IMMP2L: variants seen among roughly 807,000 people sequenced by gnomAD.
IMMP2L encodes inner mitochondrial membrane peptidase subunit 2, also known as mitochondrial inner membrane protease subunit 2.
A neutral mutation model predicts 19.3 loss-of-function variants in IMMP2L; 18 were observed. The ratio of observed to expected loss-of-function variants is 0.93; its 90% CI spans 0.64 to 1.38. The LOEUF (loss-of-function observed/expected upper bound fraction) is 1.38. IMMP2L is among the 40% of genes most tolerant of loss of function. The pLI is 0.00. For missense variants in IMMP2L, 233 were observed against 218.2 expected (o/e 1.07, Z -0.43); for synonymous variants, 76 against 73.0 (o/e 1.04, Z -0.21).
At chr7:110,864,669 A>T (rs1807804941) in intron 5 of IMMP2L, among the ~76,000 whole-genome samples, 1 of 152,026 alleles carries the variant, frequency 6.6e-6, no homozygotes, top group Non-Finnish European at 1.5e-5. Context: ...CCTTTGAGCC[A>T]TCTTTTCATC....
intron 5 of IMMP2L, among the ~76,000 whole-genome samples, chr7:110,769,961 G>A (rs1223136728): frequency 2.0e-5 from 3 of 152,064 alleles, no homozygotes; most frequent in African/African-American, 7.2e-5. Context: ...CGAACTGTTG[G>A]GTTTCATAAT....
At chr7:110,787,855 G>GAA (rs1373742278) in intron 5 of IMMP2L, among the ~76,000 whole-genome samples, 2 of 148,092 alleles carry the variant, frequency 1.4e-5, no homozygotes, top group Non-Finnish European at 3.0e-5. Context: ...TTCCAGGAAG[G>GAA]ACAAAAAAAA....
intron 3 of IMMP2L, among the ~76,000 whole-genome samples, chr7:111,287,128 T>C (rs780439652): frequency 6.6e-6 from 1 of 152,118 alleles, no homozygotes; most frequent in African/African-American, 2.4e-5. Context: ...TAATTAGATA[T>C]CAGAAACAAT....
intron 3 of IMMP2L, among the ~76,000 whole-genome samples, chr7:111,252,147 T>C (rs531620735): frequency 6.7e-6 from 1 of 149,958 alleles, no homozygotes; most frequent in Admixed American, 6.7e-5. Flanking sequence ...AAAAAAAAAG[T>C]CCCCTTCTTT....
chr7:110,865,850 T>G (rs1175734727), intron 5 of IMMP2L, among the ~76,000 whole-genome samples: 2 of 149,988 alleles, frequency 1.3e-5, no homozygotes, highest in Non-Finnish European at 3.0e-5. Flanking sequence ...CCAAACTAAT[T>G]TTTTTTTTTT....
At chr7:111,370,729 G>C (rs956645924) in intron 3 of IMMP2L, among the ~76,000 whole-genome samples, 3 of 151,856 alleles carry the variant, frequency 2.0e-5, no homozygotes, top group African/African-American at 7.2e-5. Context: ...ATGTTAACGA[G>C]ATTCCCCTAA....
At chr7:111,374,105 T>C (rs1451533012) in intron 3 of IMMP2L, among the ~76,000 whole-genome samples, 1 of 152,036 alleles carries the variant, frequency 6.6e-6, no homozygotes, top group African/African-American at 2.4e-5. Context: ...TCAGATTATA[T>C]AATGGGAGCT....
At chr7:111,128,662 T>TA (rs1474158098) in intron 3 of IMMP2L, among the ~76,000 whole-genome samples, 1 of 152,038 alleles carries the variant, frequency 6.6e-6, no homozygotes, top group Non-Finnish European at 1.5e-5. Context: ...CCGTCTCTAC[T>TA]AAAAATACAA....
At chr7:111,152,744 T>G (rs1026591454) in intron 3 of IMMP2L, among the ~76,000 whole-genome samples, 1 of 152,136 alleles carries the variant, frequency 6.6e-6, no homozygotes, top group Non-Finnish European at 1.5e-5. Flanking sequence ...CTCCGAAGTT[T>G]TACTACAAAA....
chr7:110,729,761 T>C (rs985676215), intron 5 of IMMP2L, among the ~76,000 whole-genome samples: 7 of 152,046 alleles, frequency 4.6e-5, no homozygotes, highest in African/African-American at 9.7e-5. Context: ...CTGGGGCCTA[T>C]CAGTGGTTCC....
At chr7:110,991,930 G>C (rs117341887) in intron 3 of IMMP2L, among the ~76,000 whole-genome samples, 5,272 of 152,116 alleles carry the variant, frequency 0.035, 125 homozygotes, top group South Asian at 0.077. Context: ...TGTTTCCTCT[G>C]CCTGGAAAAG....
intron 3 of IMMP2L, among the ~76,000 whole-genome samples, chr7:111,233,152 T>G (rs77387277): frequency 2.6e-5 from 4 of 152,164 alleles, no homozygotes; most frequent in East Asian, 3.9e-4. Flanking sequence ...CCAATGAACG[T>G]AGATTACATT....
rs147580186 is a variant in IMMP2L, at chr7:111,488,027, C to A, written c.136-686G>T. Among the ~76,000 whole-genome samples the A allele has an allele frequency of 4.3e-3, 656 of 152,224 alleles. 13 individuals carry two copies. Among genetic ancestry groups the A allele is most frequent in the South Asian group, 0.038 (181 of 4,814 alleles). ...ATTTTTCTAAAGGTCAGGAACCATACAGGCACAAAAATTTGACTGGGGAAC... is the reference window on the plus strand; with the variant it reads ...ATTTTTCTAAAGGTCAGGAACCATAAAGGCACAAAAATTTGACTGGGGAAC... On this transcript the variant is annotated intron_variant, in intron 2 of 5. Transcript: ENST00000405709.
At chr7:111,425,558 T>C (rs1412659532) in intron 3 of IMMP2L, among the ~76,000 whole-genome samples, 1 of 151,074 alleles carries the variant, frequency 6.6e-6, no homozygotes, top group Non-Finnish European at 1.5e-5. Flanking sequence ...GGGATTAAAA[T>C]ATAGATAGAT....
chr7:111,555,278 T>C (rs886375896), intron 1 of IMMP2L, among the ~76,000 whole-genome samples: 5 of 152,090 alleles, frequency 3.3e-5, no homozygotes, highest in African/African-American at 1.2e-4. Context: ...TGGATTAGGT[T>C]AGAGAATAAT....
chr7:111,525,496 T>C (rs1186108197), intron 1 of IMMP2L, among the ~76,000 whole-genome samples: 1 of 152,104 alleles, frequency 6.6e-6, no homozygotes, highest in African/African-American at 2.4e-5. Context: ...TCTGAAAGCC[T>C]GGATAGGACA....
chr7:110,906,451 C>T (rs139733248), intron 4 of IMMP2L, among the ~76,000 whole-genome samples: 94 of 152,204 alleles, frequency 6.2e-4, no homozygotes, highest in African/African-American at 1.9e-3. Flanking sequence ...TGTTTAGTTC[C>T]GTGTGACAGA....
rs555277602 is a variant in IMMP2L at position 110,997,375 on chromosome 7, T to C, written c.240-33810A>G. Among the ~76,000 whole-genome samples, 7 of 152,230 alleles carry C rather than the reference T, an allele frequency of 4.6e-5. No individual in the cohort carries two copies. In the East Asian group the frequency reaches 9.7e-4, roughly 21 times the overall value. On this transcript the variant is annotated intron_variant, in intron 3 of 5. Transcript: ENST00000405709. ...GTAGACATCAATATTCAGATGTTTG[T>C]ATCAATGTAAGTTTCCATTTCTCGG... is the stretch of plus-strand genomic sequence containing the variant.
At position 111,016,383 on chromosome 7, in the gene IMMP2L, T is replaced by G. The variant is rs1433381688; in HGVS notation, c.240-52818A>C. On this transcript the variant is annotated intron_variant, in intron 3 of 5. Coordinates refer to ENST00000405709, the MANE Select transcript of IMMP2L (RefSeq NM_032549.4). ...TTAATATATTTATATTTTTATATGA[T>G]ATATATTTTTATATATTTATATTTT... Among the ~76,000 whole-genome samples the G allele has an allele frequency of 2.8e-5, 4 of 142,386 alleles. No individual in the cohort carries two copies. In the East Asian group the frequency reaches 8.1e-4, roughly 29 times the overall value. 93.4% of individuals were successfully genotyped at this position (142,386 alleles called of 152,430 possible).
Sources: allele counts gnomAD v4.1 joint callset (sites outside exome capture counted in the v4.1 genomes callset), GRCh38; gene constraint gnomAD v4.1.1; transcripts MANE v1.5; gene names NCBI Gene and HGNC (gene_info 2026-07-23, HGNC 2026-07-21).